Variants in LRRC20 observed in about 807,000 individuals in gnomAD.
LRRC20 encodes the protein leucine rich repeat containing 20.
LRRC20 carries 11 observed loss-of-function variants against 14.4 expected under a neutral mutation model. The ratio of observed to expected loss-of-function variants is 0.77; its 90% confidence interval spans 0.48 to 1.27. The LOEUF is 1.27. LRRC20 is among the 50% of genes most tolerant of loss of function. The probability of loss-of-function intolerance (pLI) is 0.00; values close to 1 mark genes in which losing one functional copy is unlikely to be tolerated. For missense variants in LRRC20, 219 were observed against 251.2 expected (o/e 0.87, Z 0.87); for synonymous variants, 121 against 107.3 (o/e 1.13, Z -0.79).
intron 4 of LRRC20, among the ~76,000 whole-genome samples, chr10:70,309,271 C>A (rs1021261399): frequency 4.6e-5 from 7 of 152,204 alleles, no homozygotes; most frequent in African/African-American, 1.7e-4. Flanking sequence ...ATGGGCCCAG[C>A]AAAGCAGGCT....
At chr10:70,366,069 CAAAA>C (rs67374739) in intron 2 of LRRC20, among the ~76,000 whole-genome samples, 8 of 128,768 alleles carry the variant, frequency 6.2e-5, no homozygotes, top group South Asian at 5.1e-4. Context: ...GACTCCAGCT[CAAAA>C]AAAAAAAAAA....
At chr10:70,323,539 C>T (rs1195262768) in intron 4 of LRRC20, among the ~76,000 whole-genome samples, 6 of 152,156 alleles carry the variant, frequency 3.9e-5, no homozygotes, top group African/African-American at 1.2e-4. Context: ...GGGCCAGAGC[C>T]GAAGGGTCTG....
At chr10:70,317,195 G>T (rs1841896027) in intron 4 of LRRC20, among the ~76,000 whole-genome samples, 1 of 152,214 alleles carries the variant, frequency 6.6e-6, no homozygotes, top group South Asian at 2.1e-4. Flanking sequence ...AATGTGGAAA[G>T]TGGTCAGGAT....
intron 2 of LRRC20, among the ~76,000 whole-genome samples, chr10:70,367,828 T>C (rs1334944999): frequency 6.6e-6 from 1 of 151,554 alleles, no homozygotes; most frequent in African/African-American, 2.4e-5. Context: ...TATATATAAA[T>C]TATAACAATA....
chr10:70,302,085 G>T (rs1285571408), intron 4 of LRRC20, among the ~76,000 whole-genome samples: 1 of 152,146 alleles, frequency 6.6e-6, no homozygotes, highest in Non-Finnish European at 1.5e-5. Flanking sequence ...AGGGTGAGGC[G>T]GGTGGATCAC....
intron 4 of LRRC20, among the ~76,000 whole-genome samples, chr10:70,320,401 C>T (rs149140349): frequency 2.0e-5 from 3 of 152,022 alleles, no homozygotes; most frequent in African/African-American, 7.2e-5. Flanking sequence ...TAGTAATTAC[C>T]ATTTTATATG....
In LRRC20 at chr10:70,332,116, G is replaced by C. The variant is rs370347344; in HGVS notation, c.233-8086C>G. On this transcript the variant is annotated intron_variant, in intron 3 of 4. Transcript: ENST00000446961. ...GAGCAATCACAGTCCCTGACTGCAC[G>C]GACTCCCCAGCAGGGCAGAGTCAGA... is the stretch of plus-strand genomic sequence containing the variant. Among the ~76,000 whole-genome samples, 11 of 152,268 alleles carry C rather than the reference G, an allele frequency of 7.2e-5. 1 individual carries two copies. In the East Asian group the frequency reaches 1.9e-3, roughly 27 times the overall value.
chr10:70,337,540 A>G (rs1454455472), intron 3 of LRRC20, among the ~76,000 whole-genome samples: 2 of 152,158 alleles, frequency 1.3e-5, no homozygotes, highest in African/African-American at 4.8e-5. Context: ...TCCGCATCCC[A>G]CAGATGCATG....
intron 3 of LRRC20, among the ~76,000 whole-genome samples, chr10:70,330,486 C>T (rs1842496821): frequency 6.6e-6 from 1 of 152,162 alleles, no homozygotes; most frequent in Admixed American, 6.5e-5. Context: ...GCAAAGACAG[C>T]AGGTTCCTGG....
intron 3 of LRRC20, among the ~76,000 whole-genome samples, chr10:70,335,369 G>A (rs1232563357): frequency 2.0e-5 from 3 of 152,156 alleles, no homozygotes; most frequent in Non-Finnish European, 4.4e-5. Context: ...GCCGACTGGA[G>A]CAACCCACCT....
chr10:70,379,929 A>G (rs1228176633), intron 1 of LRRC20, among the ~76,000 whole-genome samples: 4 of 152,202 alleles, frequency 2.6e-5, no homozygotes, highest in Admixed American at 2.6e-4. Flanking sequence ...GATCCATCGC[A>G]TTCGCAGTTC....
intron 2 of LRRC20, among the ~76,000 whole-genome samples, chr10:70,349,529 G>C (rs1843214378): frequency 6.6e-6 from 1 of 152,222 alleles, no homozygotes; most frequent in African/African-American, 2.4e-5. Flanking sequence ...AGTGAGCAGA[G>C]ATCGTGCCAC....
chr10:70,381,833 G>A (rs1478872072), intron 1 of LRRC20: 1 of 152,340 alleles, frequency 6.6e-6, no homozygotes, highest in African/African-American at 2.4e-5. Flanking sequence ...ACCTGCTGGC[G>A]CCTTGTTTTT....
chr10:70,322,646 C>A (rs1842131764), intron 4 of LRRC20, among the ~76,000 whole-genome samples: 1 of 152,170 alleles, frequency 6.6e-6, no homozygotes, highest in African/African-American at 2.4e-5. Flanking sequence ...GACTGAACCA[C>A]AGCCCACCCC....
At chr10:70,361,914 T>G (rs184788019) in intron 2 of LRRC20, among the ~76,000 whole-genome samples, 1 of 152,168 alleles carries the variant, frequency 6.6e-6, no homozygotes, top group Admixed American at 6.5e-5. Flanking sequence ...AGGCCGGGCA[T>G]GGTGGCTCAC....
chr10:70,302,262 G>A (rs988986154), intron 4 of LRRC20, among the ~76,000 whole-genome samples: 4 of 151,952 alleles, frequency 2.6e-5, no homozygotes, highest in African/African-American at 9.7e-5. Context: ...GCAGTGAGGG[G>A]AAATCGCACC....
chr10:70,312,926 T>C (rs1395927591), intron 4 of LRRC20, among the ~76,000 whole-genome samples: 3 of 152,146 alleles, frequency 2.0e-5, no homozygotes, highest in African/African-American at 7.2e-5. Flanking sequence ...TGTCCTTAAG[T>C]ATGAGCTGCA....
At chr10:70,361,683 C>T (rs923341597) in intron 2 of LRRC20, among the ~76,000 whole-genome samples, 6 of 152,176 alleles carry the variant, frequency 3.9e-5, no homozygotes, top group African/African-American at 9.7e-5. Flanking sequence ...GCACACCTGC[C>T]GGGGCCCAGT....
chr10:70,348,109 C>G (rs1843148004), intron 2 of LRRC20, among the ~76,000 whole-genome samples: 1 of 152,164 alleles, frequency 6.6e-6, no homozygotes, highest in East Asian at 1.9e-4. Context: ...CCTCCAGTAC[C>G]CACCAGAGGC....
Sources: allele counts gnomAD v4.1 joint callset (sites outside exome capture counted in the v4.1 genomes callset), GRCh38; gene constraint gnomAD v4.1.1; transcripts MANE v1.5; gene names NCBI Gene and HGNC (gene_info 2026-07-23, HGNC 2026-07-21).